ZNF438: variants seen among roughly 807,000 people sequenced by gnomAD.
ZNF438 encodes zinc finger protein 438.
ZNF438 carries 25 observed loss-of-function variants against 38.0 expected under a neutral mutation model. That is an observed-to-expected ratio of 0.66 (90% CI 0.48 to 0.92). The LOEUF (loss-of-function observed/expected upper bound fraction) is 0.92, where lower values mean the gene tolerates loss of function less well. ZNF438 is among the 40% of genes least tolerant of loss of function. ZNF438 has a pLI of 0.00. For missense variants in ZNF438, 1,007 were observed against 999.6 expected, an observed-to-expected ratio of 1.01 and a Z score of -0.10; for synonymous variants, 372 against 364.1, an observed-to-expected ratio of 1.02 and a Z score of -0.25.
chr10:30,980,968 C>T (rs1362115800), intron 1 of ZNF438, among the ~76,000 whole-genome samples: 1 of 152,204 alleles, frequency 6.6e-6, no homozygotes, highest in African/African-American at 2.4e-5. Flanking sequence ...AACTAACAAT[C>T]TGAATAGCTA....
chr10:31,011,596 A>T (rs976752754), intron 1 of ZNF438, among the ~76,000 whole-genome samples: 1 of 152,202 alleles, frequency 6.6e-6, no homozygotes, highest in Non-Finnish European at 1.5e-5. Flanking sequence ...TCAGGCCTTC[A>T]TCCACAGAAA....
At chr10:30,928,708 C>T (rs2045259616) in intron 2 of ZNF438, among the ~76,000 whole-genome samples, 1 of 152,150 alleles carries the variant, frequency 6.6e-6, no homozygotes, top group Admixed American at 6.5e-5. Flanking sequence ...ATTCAGTTAA[C>T]TCTACCCTCC....
intron 2 of ZNF438, among the ~76,000 whole-genome samples, chr10:30,918,526 CT>C (rs1458818485): frequency 1.3e-5 from 2 of 152,102 alleles, no homozygotes; most frequent in African/African-American, 2.4e-5. Context: ...GAAATAGGTT[CT>C]ATTAATGATC....
At chr10:30,851,839 G>A (rs937573307) in intron 4 of ZNF438, among the ~76,000 whole-genome samples, 1 of 152,122 alleles carries the variant, frequency 6.6e-6, no homozygotes, top group Admixed American at 6.6e-5. Context: ...GTAGGTAGCA[G>A]ACAATCTAGT....
At chr10:30,921,457 C>T (rs1374217083) in intron 2 of ZNF438, among the ~76,000 whole-genome samples, 4 of 152,134 alleles carry the variant, frequency 2.6e-5, no homozygotes, top group Admixed American at 6.6e-5. Flanking sequence ...TTTTCTTGCA[C>T]TGAATGAAAT....
intron 3 of ZNF438, among the ~76,000 whole-genome samples, chr10:30,897,534 T>C (rs887319676): frequency 2.0e-5 from 3 of 152,196 alleles, no homozygotes; most frequent in African/African-American, 7.2e-5. Flanking sequence ...TGACCTCCCT[T>C]AAATCTATCA....
chr10:30,852,504 G>A (rs918652600), intron 4 of ZNF438, among the ~76,000 whole-genome samples: 1 of 152,138 alleles, frequency 6.6e-6, no homozygotes, highest in African/African-American at 2.4e-5. Flanking sequence ...CACCGCGCCC[G>A]GCCCGTCAAC....
intron 1 of ZNF438, among the ~76,000 whole-genome samples, chr10:30,950,670 C>A (rs2135768539): frequency 6.8e-6 from 1 of 146,928 alleles, no homozygotes; most frequent in Admixed American, 6.8e-5. Flanking sequence ...AATTCCTTGA[C>A]ACATACACTC....
intron 3 of ZNF438, among the ~76,000 whole-genome samples, chr10:30,902,994 G>C (rs1479415519): frequency 1.1e-4 from 1 of 8,926 alleles, no homozygotes; most frequent in Non-Finnish European, 2.7e-4. Flanking sequence ...GCGCAGCGCC[G>C]CACTGCTGGG....
rs1417187701 is a variant in ZNF438, at chr10:30,850,275, T to C, written c.130A>G (p.Lys44Glu). ...GGCAGCATTCTGGACGTTAGGACTT[T>C]GGGCACAATTTTTGGTGCAATGGTC... Residue 44 changes from lysine to glutamate, a missense_variant, in exon 5 of 6, where the codon AAA (lysine) becomes GAA (glutamate). Transcript: ENST00000413025. 3 of 1,614,110 alleles carry C rather than the reference T, an allele frequency of 1.9e-6. No individual in the cohort carries two copies. In the African/African-American group the frequency reaches 4.0e-5, roughly 22 times the overall value.
chr10:31,018,759 A>G (rs535093098), intron 1 of ZNF438, among the ~76,000 whole-genome samples: 1 of 152,316 alleles, frequency 6.6e-6, no homozygotes, highest in East Asian at 1.9e-4. Flanking sequence ...AAGAGTAGTA[A>G]TTGGTTCTGT....
intron 1 of ZNF438, among the ~76,000 whole-genome samples, chr10:30,988,128 T>C (rs2053056164): frequency 6.6e-6 from 1 of 152,146 alleles, no homozygotes; most frequent in Admixed American, 6.5e-5. Flanking sequence ...TCGAGTTTAC[T>C]GTTTTTTTTA....
intron 1 of ZNF438, among the ~76,000 whole-genome samples, chr10:31,005,993 T>G (rs971927293): frequency 6.6e-6 from 1 of 152,244 alleles, no homozygotes; most frequent in Non-Finnish European, 1.5e-5. Context: ...CAGATTGTGG[T>G]ACACAGAATA....
At position 30,981,623 on chromosome 10, in the gene ZNF438, A is replaced by G. The variant is rs187090144; in HGVS notation, c.-191-39972T>C. ...CCGGGCGTGATGGCTCACACCTGTAATCCCAGCACTTTGGGAGGCCGAGGC... is the reference window on the plus strand; with the variant it reads ...CCGGGCGTGATGGCTCACACCTGTAGTCCCAGCACTTTGGGAGGCCGAGGC... On this transcript the variant is annotated intron_variant, in intron 1 of 5. Transcript: ENST00000413025. Among the ~76,000 whole-genome samples the G allele has an allele frequency of 2.5e-3, 375 of 152,340 alleles. 1 individual carries two copies. The highest frequency in any genetic ancestry group is 8.5e-3 in the African/African-American group (352 of 41,580).
intron 4 of ZNF438, chr10:30,857,903 T>A: frequency 2.0e-6 from 1 of 492,036 alleles, no homozygotes; most frequent in Non-Finnish European, 3.2e-6. Flanking sequence ...CAAATAGTAT[T>A]AAGAGACAAG....
At chr10:30,959,703 G>A (rs1295021736) in intron 1 of ZNF438, among the ~76,000 whole-genome samples, 1 of 146,056 alleles carries the variant, frequency 6.8e-6, no homozygotes, top group Non-Finnish European at 1.6e-5. Context: ...AGCCGAGATC[G>A]CACCACTGCA....
intron 4 of ZNF438, among the ~76,000 whole-genome samples, chr10:30,875,771 C>T (rs1228460284): frequency 1.3e-5 from 2 of 152,236 alleles, no homozygotes; most frequent in Non-Finnish European, 1.5e-5. Flanking sequence ...CTAATTCCTG[C>T]TTACTCCCCA....
exon 5 of ZNF438, chr10:30,848,532 T>A (rs2032829197): frequency 3.1e-6 from 5 of 1,608,624 alleles, no homozygotes; most frequent in Non-Finnish European, 4.3e-6. Context: ...GGCACTCACC[T>A]CTCCAATGAT....
At chr10:31,006,072 G>A (rs1271591268) in intron 1 of ZNF438, among the ~76,000 whole-genome samples, 1 of 152,148 alleles carries the variant, frequency 6.6e-6, no homozygotes, top group African/African-American at 2.4e-5. Context: ...TACATGGTAT[G>A]ATATTGTGAA....
Sources: gnomAD v4.1 joint callset for allele counts (sites outside exome capture counted in the v4.1 genomes callset) on GRCh38, gnomAD v4.1.1 for gene constraint, MANE v1.5 for transcripts, NCBI Gene and HGNC (gene_info 2026-07-23, HGNC 2026-07-21) for gene names.